The following ERG variants were observed in gnomAD, a reference collection of about 807,000 sequenced individuals.
ERG encodes the protein transcriptional regulator ERG.
A neutral mutation model predicts 55.3 loss-of-function variants in ERG; 9 were observed. The observed-to-expected ratio is 0.16, with a 90% CI of 0.10 to 0.28. ERG has a LOEUF of 0.28. ERG is among the 10% of genes least tolerant of loss of function. The pLI is 1.00. For synonymous variants in ERG, 223 were observed against 237.3 expected, an observed-to-expected ratio of 0.94 and a Z score of 0.55; for missense variants, 434 against 631.6, an observed-to-expected ratio of 0.69 and a Z score of 3.35.
intron 2 of ERG, among the ~76,000 whole-genome samples, chr21:38,570,697 A>G (rs2059952285): frequency 6.6e-6 from 1 of 152,268 alleles, no homozygotes; most frequent in South Asian, 2.1e-4. Flanking sequence ...TCACCAAGTT[A>G]GTAAACATCA....
At chr21:38,467,580 C>T (rs752634468) in intron 1 of ERG, among the ~76,000 whole-genome samples, 1 of 152,106 alleles carries the variant, frequency 6.6e-6, no homozygotes, top group Non-Finnish European at 1.5e-5. Context: ...AAGACACACC[C>T]GCGGAGGTTC....
At chr21:38,386,135 G>T (rs1244745927) in intron 9 of ERG, among the ~76,000 whole-genome samples, 2 of 152,126 alleles carry the variant, frequency 1.3e-5, no homozygotes, top group Admixed American at 6.6e-5. Flanking sequence ...TAGAAAGCAG[G>T]GGACCTAAAT....
chr21:38,402,545 G>A lies in ERG; in HGVS notation c.673+12C>T, dbSNP rs1988546646. The A allele has an allele frequency of 3.7e-6, 6 of 1,606,188 alleles. No homozygotes were observed. Among genetic ancestry groups the A allele is most frequent in the South Asian group, 1.1e-5 (1 of 90,148 alleles). ...CGCTCTTGCTGGGAGGCAGGGGCGG[G>A]GCCAGCATTACCTGTGTTTCTAGCA... is the stretch of plus-strand genomic sequence containing the variant. On this transcript the variant is annotated intron_variant, in intron 5 of 9. Coordinates refer to ENST00000288319, the MANE Select transcript of ERG (RefSeq NM_182918.4).
chr21:38,587,231 AT>A (rs1380963303), upstream of ERG, among the ~76,000 whole-genome samples: 7 of 152,094 alleles, frequency 4.6e-5, no homozygotes, highest in African/African-American at 1.7e-4. Context: ...TTTCACTGTA[AT>A]GTATTCTTTT....
chr21:38,407,619 A>G (rs1988829494), intron 3 of ERG, among the ~76,000 whole-genome samples: 1 of 99,194 alleles, frequency 1.0e-5, no homozygotes, highest in South Asian at 3.5e-4. Flanking sequence ...AAGCCAAAAC[A>G]TGGTCTTACA....
Position 38,618,746 on chromosome 21 carries a change from A to G in ERG, c.-149-33801T>C, listed in dbSNP as rs548479356. 2.6e-5 allele frequency among the ~76,000 whole-genome samples: 4 copies of G among 152,286 alleles called. 1 individual carries two copies. The South Asian group carries it at 8.3e-4, about 32-fold the overall frequency. ...CCTCTGTGGGGCAGGAGACAGAGTG[A>G]GCAGAGGTTAGTCACATCCATGTGG... On this transcript the variant is annotated intron_variant, in intron 1 of 10. Transcript: ENST00000398910.
chr21:38,376,846 T>C (rs1987256661), downstream of ERG, among the ~76,000 whole-genome samples: 1 of 152,232 alleles, frequency 6.6e-6, no homozygotes, highest in Non-Finnish European at 1.5e-5. Context: ...CAAAGCGGCC[T>C]GGAGTCCGCC....
chr21:38,597,115 T>G (rs530121064), intron 1 of ERG, among the ~76,000 whole-genome samples: 1 of 152,358 alleles, frequency 6.6e-6, no homozygotes, highest in African/African-American at 2.4e-5. Context: ...GAAAGATCAT[T>G]GCTGGCCTGC....
chr21:38,500,674 C>A (rs781737767), upstream of ERG, among the ~76,000 whole-genome samples: 2 of 152,086 alleles, frequency 1.3e-5, no homozygotes, highest in Non-Finnish European at 2.9e-5. Flanking sequence ...ATATATCCAT[C>A]ATTTTCTAAC....
intron 2 of ERG, among the ~76,000 whole-genome samples, chr21:38,543,337 C>T (rs2059765986): frequency 6.9e-6 from 1 of 143,902 alleles, no homozygotes; most frequent in Non-Finnish European, 1.5e-5. Flanking sequence ...GATGCATAAA[C>T]TACATATGTA....
intron 1 of ERG, among the ~76,000 whole-genome samples, chr21:38,475,063 G>A (rs2059175192): frequency 6.6e-6 from 1 of 150,970 alleles, no homozygotes; most frequent in Admixed American, 6.6e-5. Flanking sequence ...CATCTTGCCA[G>A]TTAATGCACC....
downstream of ERG, among the ~76,000 whole-genome samples, chr21:38,377,212 C>T (rs139263290): frequency 3.1e-3 from 472 of 152,322 alleles, 1 homozygote; most frequent in African/African-American, 0.011. Context: ...TTGTTTGGCA[C>T]TAAGCTATTA....
chr21:38,553,301 T>C (rs11701672), intron 2 of ERG, among the ~76,000 whole-genome samples: 74,106 of 152,016 alleles, frequency 0.49, 19,798 homozygotes, highest in Non-Finnish European at 0.62. Flanking sequence ...TTCTATCATA[T>C]TACTAATTAC....
At chr21:38,417,699 G>A (rs998066388) in intron 3 of ERG, among the ~76,000 whole-genome samples, 1 of 152,096 alleles carries the variant, frequency 6.6e-6, no homozygotes, top group African/African-American at 2.4e-5. Flanking sequence ...TGAGGCAGGA[G>A]AATTGCTTGA....
chr21:38,496,601 A>G (rs1222462580), intron 1 of ERG, among the ~76,000 whole-genome samples: 2 of 152,242 alleles, frequency 1.3e-5, no homozygotes, highest in East Asian at 3.8e-4. Flanking sequence ...ACTTGGGTAC[A>G]TACAATAAAC....
intron 2 of ERG, among the ~76,000 whole-genome samples, chr21:38,530,308 C>T (rs1457798021): frequency 6.6e-6 from 1 of 152,154 alleles, no homozygotes; most frequent in Non-Finnish European, 1.5e-5. Context: ...GATCCACCCG[C>T]CTCGGCCTCC....
chr21:38,504,941 GA>G (rs1568863404), intron 2 of ERG, among the ~76,000 whole-genome samples: 1 of 152,130 alleles, frequency 6.6e-6, no homozygotes, highest in Non-Finnish European at 1.5e-5. Flanking sequence ...AGAAAATACA[GA>G]TTACTTCTTA....
chr21:38,598,304 G>A lies in ERG; in HGVS notation c.-149-13359C>T, dbSNP rs376709721. On this transcript the variant is annotated intron_variant, in intron 1 of 10. Coordinates refer to the ERG transcript ENST00000398910. ...TGCCCCATTCCTGGAGTCAGCAGCCGGACTATGAGACTGGCTCAGTGAACC... is the reference window on the plus strand; with the variant it reads ...TGCCCCATTCCTGGAGTCAGCAGCCAGACTATGAGACTGGCTCAGTGAACC... 2.4e-4 allele frequency among the ~76,000 whole-genome samples: 36 copies of A among 152,292 alleles called. No individual in the cohort carries two copies. The South Asian group carries it at 5.0e-3, about 21-fold the overall frequency.
chr21:38,424,187 G>GTCTCTCTCTCTCTCTCTCT lies in ERG; in HGVS notation c.237-627_237-626insAGAGAGAGAGAGAGAGAGA, dbSNP rs1569087250. 9.1e-5 allele frequency among the ~76,000 whole-genome samples: 10 copies of GTCTCTCTCTCTCTCTCTCT among 110,158 alleles called. 1 individual carries two copies. Among genetic ancestry groups the GTCTCTCTCTCTCTCTCTCT allele is most frequent in the Admixed American group, 2.5e-4 (3 of 11,850 alleles). The allele number at this position is 110,158 out of a possible 152,430, so 72.3% of individuals were successfully genotyped here. A position where few individuals can be genotyped will look rare whatever the true frequency, so the allele number is the denominator to read the frequency against. ...AGAAAAGAAAGAGACCAGAGCTCGA[G>GTCTCTCTCTCTCTCTCTCT]CTCTCTCTCTCTCTCTCTCTCTCTC... On this transcript the variant is annotated intron_variant, in intron 2 of 9. Transcript: ENST00000288319.
Sources: allele counts gnomAD v4.1 joint callset (sites outside exome capture counted in the v4.1 genomes callset), GRCh38; gene constraint gnomAD v4.1.1; transcripts MANE v1.5; gene names NCBI Gene and HGNC (gene_info 2026-07-23, HGNC 2026-07-21).